The following TMCO4 variants were observed in gnomAD, a reference collection of about 807,000 sequenced individuals.
The protein encoded by TMCO4 is transmembrane and coiled-coil domain-containing protein 4.
TMCO4 carries 58 observed loss-of-function variants against 64.7 expected under a neutral mutation model. The observed-to-expected ratio is 0.90, with a 90% confidence interval of 0.73 to 1.12. The LOEUF (loss-of-function observed/expected upper bound fraction) is 1.12, where lower values mean the gene tolerates loss of function less well. Among genes scored for constraint, TMCO4 ranks in the 50% most tolerant of loss-of-function variants. The pLI is 0.00. For missense variants in TMCO4, 780 were observed against 825.9 expected (o/e 0.94, Z 0.68); for synonymous variants, 325 against 346.1 (o/e 0.94, Z 0.68).
At position 19,737,445 on chromosome 1, in the gene TMCO4, A is replaced by C; in HGVS notation, c.1191T>G (p.Pro397=). Residue 397 remains proline, a synonymous_variant, in exon 13 of 16, where the codon CCT becomes CCG. Transcript: ENST00000294543. ...ILLSRQQGRR[P]VTLIGFSLGA... ...CCAGGCTGAAGCCAATCAAGGTGAC[A>C]GGTCGTCGCCCCTGAAGGGAAAAAG... 1 of 1,614,036 alleles carries C rather than the reference A, an allele frequency of 6.2e-7. No homozygotes were observed. Among genetic ancestry groups the C allele is most frequent in the Non-Finnish European group, 8.5e-7 (1 of 1,179,956 alleles).
chr1:19,689,526 C>G (rs2095175731), intron 15 of TMCO4, among the ~76,000 whole-genome samples: 1 of 152,192 alleles, frequency 6.6e-6, no homozygotes, highest in Non-Finnish European at 1.5e-5. Context: ...GATGAGGACA[C>G]TGAGACACAG....
At position 19,732,617 on chromosome 1, in the gene TMCO4, A is replaced by G. The variant is rs1268889234; in HGVS notation, c.1264+4755T>C. On this transcript the variant is annotated intron_variant, in intron 13 of 15. Transcript: ENST00000294543. This position sits in a 1 kb window ranked among gnomAD's most constrained non-coding sequence, Gnocchi z 4.8. ...ATAACAAAGACAGTGGGGGCTGGGC[A>G]TGGTGGCTCATGCCTGTAACCCCAG... Among the ~76,000 whole-genome samples the G allele has an allele frequency of 6.6e-6, 1 of 151,788 alleles. No individual in the cohort carries two copies. The highest frequency in any genetic ancestry group is 1.5e-5 in the Non-Finnish European group (1 of 67,948).
At chr1:19,731,844 A>G (rs1025865126) in intron 13 of TMCO4, among the ~76,000 whole-genome samples, 73 of 152,270 alleles carry the variant, frequency 4.8e-4, no homozygotes, top group Middle Eastern at 3.4e-3. Flanking sequence ...GGCTCTCGGG[A>G]TCAGGACCTT....
Position 19,725,937 on chromosome 1 carries a change from C to G in TMCO4, c.1264+11435G>C, listed in dbSNP as rs2095406930. 2.0e-5 allele frequency among the ~76,000 whole-genome samples: 3 copies of G among 152,336 alleles called. No individual in the cohort carries two copies. The South Asian group carries it at 6.2e-4, about 32-fold the overall frequency. On this transcript the variant is annotated intron_variant, in intron 13 of 15. Transcript: ENST00000294543. ...TTGGGGGCTGAGGAGTCCACTTTGC[C>G]AAGGCAGTTCGAGCCTTGCCGCACC...
intron 13 of TMCO4, among the ~76,000 whole-genome samples, chr1:19,706,882 G>A (rs1341393974): frequency 1.3e-5 from 2 of 152,188 alleles, no homozygotes; most frequent in East Asian, 1.9e-4. Context: ...TGTCTTTTTA[G>A]ATTGATGGAA....
At chr1:19,718,385 T>C (rs544873975) in intron 13 of TMCO4, among the ~76,000 whole-genome samples, 8 of 151,328 alleles carry the variant, frequency 5.3e-5, no homozygotes, top group African/African-American at 1.9e-4. Flanking sequence ...AATGAAGCCA[T>C]GTGCAGTGTC....
chr1:19,757,163 G>GC (rs921159956), intron 6 of TMCO4, among the ~76,000 whole-genome samples: 5 of 151,316 alleles, frequency 3.3e-5, no homozygotes, highest in Non-Finnish European at 5.9e-5. Flanking sequence ...TGGTGGCGGG[G>GC]GGGGGCGCCT....
intron 9 of TMCO4, 72 bp downstream of exon 9, chr1:19,746,384 G>T: frequency 6.3e-7 from 1 of 1,584,756 alleles, no homozygotes; most frequent in African/African-American, 1.3e-5. Context: ...GAGGATCCAG[G>T]CATGTCCTTT....
At chr1:19,789,658 T>G (rs1488635066) in intron 2 of TMCO4, among the ~76,000 whole-genome samples, 2 of 151,928 alleles carry the variant, frequency 1.3e-5, no homozygotes, top group Non-Finnish European at 2.9e-5. Flanking sequence ...AGAAGGGGAG[T>G]GTGTTTTATC....
intron 6 of TMCO4, among the ~76,000 whole-genome samples, chr1:19,757,897 T>C (rs2042337189): frequency 6.6e-6 from 1 of 152,238 alleles, no homozygotes; most frequent in Admixed American, 6.5e-5. Context: ...CCAAATTGAA[T>C]GTTTTTGACA....
chr1:19,694,361 C>T, intron 15 of TMCO4, 73 bp downstream of exon 15: 2 of 1,367,730 alleles, frequency 1.5e-6, no homozygotes. Flanking sequence ...CCACTGTCTC[C>T]AGGGGACAGG....
At chr1:19,685,710 C>CTTTTTT (rs55783904) in intron 15 of TMCO4, among the ~76,000 whole-genome samples, 12,137 of 105,698 alleles carry the variant, frequency 0.11, 1,893 homozygotes, top group Non-Finnish European at 0.17. Flanking sequence ...AGGCCTGTTT[C>CTTTTTT]TTTTTTTTTT....
At chr1:19,763,049 A>T (rs2042572477) in intron 6 of TMCO4, among the ~76,000 whole-genome samples, 1 of 152,082 alleles carries the variant, frequency 6.6e-6, no homozygotes, top group Non-Finnish European at 1.5e-5. Context: ...CTTCATCTGC[A>T]AAAGGGGAAT....
At chr1:19,721,649 C>T (rs543690093) in intron 13 of TMCO4, among the ~76,000 whole-genome samples, 5 of 152,214 alleles carry the variant, frequency 3.3e-5, no homozygotes, top group African/African-American at 1.2e-4. Flanking sequence ...ATGAGTCAGG[C>T]ATGGTGGCAC....
intron 6 of TMCO4, among the ~76,000 whole-genome samples, chr1:19,769,074 G>A (rs916650427): frequency 2.0e-5 from 3 of 152,118 alleles, no homozygotes; most frequent in Non-Finnish European, 2.9e-5. Flanking sequence ...GCCCTGCTGC[G>A]TGGGCTTCAG....
In TMCO4 at chr1:19,734,706, C is replaced by T. The variant is rs1406437111; in HGVS notation, c.1264+2666G>A. On this transcript the variant is annotated intron_variant, in intron 13 of 15. Transcript: ENST00000294543. This position sits in a 1 kb window ranked among gnomAD's most constrained non-coding sequence, Gnocchi z 4.4. ...ATGCTGGCCGACCCTCTGGAATGCC[C>T]TGCCCTAGTCCAGCTGCCGTCTGCC... Among the ~76,000 whole-genome samples, 3 of 152,172 alleles carry T rather than the reference C, an allele frequency of 2.0e-5. No homozygotes were observed. Among genetic ancestry groups the T allele is most frequent in the East Asian group, 1.9e-4 (1 of 5,182 alleles).
intron 4 of TMCO4, 132 bp downstream of exon 4, chr1:19,780,448 C>T: frequency 4.4e-6 from 5 of 1,123,636 alleles, no homozygotes. Flanking sequence ...GTTAGAGACC[C>T]CTGCGTTAGA....
At position 19,725,489 on chromosome 1, in the gene TMCO4, A is replaced by G. The variant is rs540637524; in HGVS notation, c.1264+11883T>C. ...TTCAAAGACTTTTAAAAGCAAAAAT[A>G]TAGAAAAGATGAATGCCCCCTTGTG... On this transcript the variant is annotated intron_variant, in intron 13 of 15. Transcript: ENST00000294543. Among the ~76,000 whole-genome samples the G allele has an allele frequency of 2.0e-5, 3 of 152,350 alleles. No homozygotes were observed. In the South Asian group the frequency reaches 6.2e-4, roughly 32 times the overall value.
intron 13 of TMCO4, among the ~76,000 whole-genome samples, chr1:19,718,294 C>T (rs534356755): frequency 6.6e-6 from 1 of 152,050 alleles, no homozygotes; most frequent in East Asian, 1.9e-4. Flanking sequence ...AAGATCACAC[C>T]ACTGCACTCC....
Sources: gnomAD v4.1 joint callset for allele counts (sites outside exome capture counted in the v4.1 genomes callset) on GRCh38, gnomAD v4.1.1 for gene constraint, Gnocchi (gnomAD v3.1) non-coding constraint, MANE v1.5 for transcripts, NCBI Gene and HGNC (gene_info 2026-07-23, HGNC 2026-07-21) for gene names.